The following CNTN4 variants were observed in gnomAD, a reference collection of about 807,000 sequenced individuals.
CNTN4 encodes contactin-4.
CNTN4 carries 77 observed loss-of-function variants against 122.5 expected under a neutral mutation model. The ratio of observed to expected loss-of-function variants is 0.63; its 90% CI spans 0.52 to 0.76. The LOEUF is 0.76. Among genes scored for constraint, CNTN4 ranks in the 30% least tolerant of loss-of-function variants. The probability of loss-of-function intolerance (pLI) is 0.00; values close to 1 mark genes in which losing one functional copy is unlikely to be tolerated. For missense variants in CNTN4, 1,256 were observed against 1,259.1 expected, an observed-to-expected ratio of 1.00 and a Z score of 0.04; for synonymous variants, 512 against 447.0, an observed-to-expected ratio of 1.15 and a Z score of -1.83.
intron 3 of CNTN4, among the ~76,000 whole-genome samples, chr3:2,460,716 T>C (rs949446762): frequency 3.3e-5 from 5 of 152,192 alleles, no homozygotes; most frequent in Admixed American, 6.5e-5. Context: ...CCAAAAGGTC[T>C]CAACGCAAAT....
At chr3:2,851,875 G>A (rs978503468) in intron 7 of CNTN4, among the ~76,000 whole-genome samples, 1 of 152,146 alleles carries the variant, frequency 6.6e-6, no homozygotes, top group Admixed American at 6.5e-5. Flanking sequence ...AATAAAACAA[G>A]AAAGTATTTA....
At chr3:2,351,604 C>T (rs4684344) in intron 3 of CNTN4, among the ~76,000 whole-genome samples, 95,902 of 152,000 alleles carry the variant, frequency 0.63, 30,638 homozygotes, top group East Asian at 0.85. Flanking sequence ...TAGGACAGAG[C>T]GTGATTTCTT....
At chr3:2,617,405 C>T (rs1371317830) in intron 4 of CNTN4, among the ~76,000 whole-genome samples, 7 of 141,534 alleles carry the variant, frequency 4.9e-5, no homozygotes, top group African/African-American at 1.6e-4. Context: ...CATCACTGAT[C>T]TTTAGAGAAA....
chr3:2,240,038 C>T (rs2039869699), intron 2 of CNTN4, among the ~76,000 whole-genome samples: 1 of 152,076 alleles, frequency 6.6e-6, no homozygotes, highest in Non-Finnish European at 1.5e-5. Flanking sequence ...TAGTGGTTTT[C>T]CTTTCTGGAT....
chr3:3,046,148 C>T (rs1700620681), intron 23 of CNTN4, among the ~76,000 whole-genome samples: 1 of 152,174 alleles, frequency 6.6e-6, no homozygotes, highest in African/African-American at 2.4e-5. Flanking sequence ...AAATCTACGT[C>T]TGATTGGTGT....
rs76219735 is a variant in CNTN4 at position 2,702,184 on chromosome 3, G to C, written c.56-34031G>C. 8.7e-4 allele frequency among the ~76,000 whole-genome samples: 132 copies of C among 152,290 alleles called. 1 individual carries two copies. The East Asian group carries it at 0.025, about 29-fold the overall frequency. ...TTTGAAGATGTGCCAGTGGCCACCC[G>C]TTTGTTAGGGGAGAGCTAGGCATCT... On this transcript the variant is annotated intron_variant, in intron 4 of 24. Coordinates refer to ENST00000418658, the MANE Select transcript of CNTN4 (RefSeq NM_175607.3).
At chr3:2,650,659 C>T (rs1015075758) in intron 4 of CNTN4, among the ~76,000 whole-genome samples, 2 of 152,156 alleles carry the variant, frequency 1.3e-5, no homozygotes, top group African/African-American at 4.8e-5. Context: ...AGTCAGCAGC[C>T]ATCTTAATCG....
intron 13 of CNTN4, among the ~76,000 whole-genome samples, chr3:2,953,351 C>T (rs1191697646): frequency 1.3e-5 from 2 of 152,054 alleles, no homozygotes; most frequent in Non-Finnish European, 2.9e-5. Flanking sequence ...AATTTCTCAG[C>T]ACCATTTGAC....
chr3:2,404,789 A>AT (rs895862172), intron 3 of CNTN4, among the ~76,000 whole-genome samples: 3 of 151,884 alleles, frequency 2.0e-5, no homozygotes, highest in East Asian at 1.9e-4. Context: ...ACATCTCAGT[A>AT]TTTTTTTTCT....
intron 3 of CNTN4, among the ~76,000 whole-genome samples, chr3:2,479,745 A>T (rs545776394): frequency 6.6e-6 from 1 of 152,336 alleles, no homozygotes; most frequent in African/African-American, 2.4e-5. Flanking sequence ...CATGGCTCTG[A>T]GTCCATTCTT....
chr3:2,731,574 A>G (rs1161074407), intron 4 of CNTN4, among the ~76,000 whole-genome samples: 1 of 152,148 alleles, frequency 6.6e-6, no homozygotes, highest in Non-Finnish European at 1.5e-5. Flanking sequence ...TCACTCCCTC[A>G]TTCCTCATTC....
intron 3 of CNTN4, among the ~76,000 whole-genome samples, chr3:2,358,181 T>C (rs1445574827): frequency 1.3e-5 from 2 of 152,208 alleles, no homozygotes; most frequent in African/African-American, 2.4e-5. Flanking sequence ...TATTTCTATC[T>C]ATTTAAGATG....
intron 2 of CNTN4, among the ~76,000 whole-genome samples, chr3:2,256,903 A>G (rs765281749): frequency 6.6e-6 from 1 of 152,168 alleles, no homozygotes; most frequent in Non-Finnish European, 1.5e-5. Flanking sequence ...CCATCAAGCC[A>G]CCATTGACTT....
At chr3:3,028,420 T>C (rs953209353) in intron 15 of CNTN4, among the ~76,000 whole-genome samples, 9 of 152,178 alleles carry the variant, frequency 5.9e-5, no homozygotes, top group African/African-American at 2.2e-4. Flanking sequence ...TTTTTTTCTT[T>C]GTTTCAGTTT....
At chr3:2,262,976 T>G (rs1209374494) in intron 2 of CNTN4, among the ~76,000 whole-genome samples, 1 of 152,120 alleles carries the variant, frequency 6.6e-6, no homozygotes. Flanking sequence ...AAAGGTACAA[T>G]TATTTCCTTG....
At chr3:2,815,582 A>T (rs1433761544) in intron 6 of CNTN4, among the ~76,000 whole-genome samples, 1 of 152,140 alleles carries the variant, frequency 6.6e-6, no homozygotes, top group Non-Finnish European at 1.5e-5. Flanking sequence ...ATCAAAAAAC[A>T]GTAGATGTTG....
intron 3 of CNTN4, among the ~76,000 whole-genome samples, chr3:2,387,333 AGTTTTAT>A (rs1196362799): frequency 6.6e-6 from 1 of 152,172 alleles, no homozygotes; most frequent in Non-Finnish European, 1.5e-5. Flanking sequence ...CTGATGAGTT[AGTTTTAT>A]TATTCTTAAG....
intron 3 of CNTN4, among the ~76,000 whole-genome samples, chr3:2,437,647 A>G (rs1296366369): frequency 6.6e-6 from 1 of 152,316 alleles, no homozygotes; most frequent in Middle Eastern, 3.4e-3. Flanking sequence ...ACTCTCAACC[A>G]TTCTGATGGA....
chr3:2,366,740 T>A (rs1470063278), intron 3 of CNTN4, among the ~76,000 whole-genome samples: 3 of 149,688 alleles, frequency 2.0e-5, no homozygotes, highest in Non-Finnish European at 3.0e-5. Flanking sequence ...AAAAAAAAAA[T>A]AATAATAGTA....
Sources: gnomAD v4.1 joint callset for allele counts (sites outside exome capture counted in the v4.1 genomes callset) on GRCh38, gnomAD v4.1.1 for gene constraint, MANE v1.5 for transcripts, NCBI Gene and HGNC (gene_info 2026-07-23, HGNC 2026-07-21) for gene names.